The following HNF4A variants were observed in gnomAD, a reference collection of about 807,000 sequenced individuals.
HNF4A encodes hepatocyte nuclear factor 4-alpha.
A neutral mutation model predicts 52.4 loss-of-function variants in HNF4A; 15 were observed. The ratio of observed to expected loss-of-function variants is 0.29; its 90% CI spans 0.19 to 0.44. HNF4A has a LOEUF of 0.44. Ranked by LOEUF, HNF4A falls within the 20% of genes least tolerant of loss-of-function variation. The probability of loss-of-function intolerance (pLI) is 1.00; values close to 1 mark genes in which losing one functional copy is unlikely to be tolerated. For synonymous variants in HNF4A, 280 were observed against 264.4 expected, an observed-to-expected ratio of 1.06 and a Z score of -0.57; for missense variants, 479 against 647.2, an observed-to-expected ratio of 0.74 and a Z score of 2.82.
chr20:44,407,519 C>G (rs2063518591), intron 3 of HNF4A, 44 bp downstream of exon 3: 1 of 1,276,170 alleles, frequency 7.8e-7, no homozygotes, highest in Non-Finnish European at 1.1e-6. Context: ...GCCCCACCTG[C>G]ACCCACAGCT....
upstream of HNF4A, among the ~76,000 whole-genome samples, chr20:44,398,334 C>G (rs1435642106): frequency 6.6e-6 from 1 of 152,210 alleles, no homozygotes; most frequent in East Asian, 1.9e-4. Context: ...TGCAAGGACA[C>G]GTCTCCAGTT....
At chr20:44,396,447 G>T (rs2063353924), upstream of HNF4A, among the ~76,000 whole-genome samples, 1 of 152,084 alleles carries the variant, frequency 6.6e-6, no homozygotes, top group Admixed American at 6.5e-5. Flanking sequence ...ACTGCAGGTT[G>T]CCCAGGGCAA....
chr20:44,380,931 T>C (rs761041734), intron 1 of HNF4A, among the ~76,000 whole-genome samples: 6 of 152,200 alleles, frequency 3.9e-5, no homozygotes, highest in Non-Finnish European at 8.8e-5. Flanking sequence ...TCGTATATGG[T>C]GTAAGGAAAG....
chr20:44,404,771 A>G (rs1329817294), intron 1 of HNF4A, among the ~76,000 whole-genome samples: 1 of 534 alleles, frequency 1.9e-3, no homozygotes, highest in Non-Finnish European at 4.5e-3. Flanking sequence ...ATGTGTGTAT[A>G]TATGTGTGTG....
At chr20:44,390,271 C>A (rs1430533672) in intron 1 of HNF4A, among the ~76,000 whole-genome samples, 2 of 152,128 alleles carry the variant, frequency 1.3e-5, no homozygotes, top group Admixed American at 6.5e-5. Context: ...TGGCTCTGTC[C>A]AGTTGAGCAG....
intron 1 of HNF4A, among the ~76,000 whole-genome samples, chr20:44,404,840 GTGCGTGACTGTGTGGTGTGT>G: frequency 9.5e-3 from 4 of 420 alleles, no homozygotes; most frequent in African/African-American, 0.031. Flanking sequence ...TGGTGTGTGT[GTGCGTGACTGTGTGGTGTGT>G]GTGCGCGTGT....
At chr20:44,423,908 C>T (rs2063781366) in intron 7 of HNF4A, 110 bp from the exon 8 acceptor site, 3 of 992,134 alleles carry the variant, frequency 3.0e-6, no homozygotes, top group Admixed American at 3.9e-5. Context: ...TGTGCCCACA[C>T]TGCTGAAGAC....
intron 1 of HNF4A, among the ~76,000 whole-genome samples, chr20:44,372,572 G>A (rs914337922): frequency 6.6e-6 from 1 of 152,162 alleles, no homozygotes; most frequent in African/African-American, 2.4e-5. Context: ...TAGTCAATTT[G>A]AAAGCTAAAT....
At chr20:44,384,224 T>G (rs947193926) in intron 1 of HNF4A, among the ~76,000 whole-genome samples, 7 of 144,570 alleles carry the variant, frequency 4.8e-5, no homozygotes, top group Non-Finnish European at 9.0e-5. Context: ...GAAAGGCAAA[T>G]AGTATTAAGT....
intron 1 of HNF4A, among the ~76,000 whole-genome samples, chr20:44,378,787 T>TG (rs2063115647): frequency 1.3e-5 from 2 of 151,096 alleles, no homozygotes; most frequent in Non-Finnish European, 3.0e-5. Context: ...GGCGTGGTGG[T>TG]GCGTGCCTGT....
At chr20:44,375,395 A>T (rs753829068) in intron 1 of HNF4A, among the ~76,000 whole-genome samples, 33 of 151,874 alleles carry the variant, frequency 2.2e-4, no homozygotes, top group Middle Eastern at 6.9e-3. Context: ...TGCTGTGTAG[A>T]GGCTCTTTAG....
intron 1 of HNF4A, among the ~76,000 whole-genome samples, chr20:44,362,577 G>A (rs1468704488): frequency 2.6e-5 from 4 of 152,140 alleles, no homozygotes; most frequent in Non-Finnish European, 2.9e-5. Flanking sequence ...TGGGCAAGAT[G>A]TTGGCTATTT....
At chr20:44,395,230 G>T (rs919468549) in intron 1 of HNF4A, among the ~76,000 whole-genome samples, 4 of 152,246 alleles carry the variant, frequency 2.6e-5, no homozygotes, top group Non-Finnish European at 4.4e-5. Context: ...GGGGCCCCAG[G>T]TCTGGGCCCC....
intron 6 of HNF4A, among the ~76,000 whole-genome samples, chr20:44,419,511 A>T (rs1335054415): frequency 6.6e-6 from 1 of 152,172 alleles, no homozygotes. Context: ...AGGTCCTAGA[A>T]AGCCAAGTTC....
chr20:44,412,480 C>T (rs530648889), intron 3 of HNF4A, among the ~76,000 whole-genome samples: 2 of 152,062 alleles, frequency 1.3e-5, no homozygotes, highest in East Asian at 1.9e-4. Context: ...GGTGGGGAGG[C>T]GGGTTTTCGC....
intron 1 of HNF4A, chr20:44,395,825 A>C (rs2063347836): frequency 6.6e-6 from 1 of 152,246 alleles, no homozygotes; most frequent in Admixed American, 6.5e-5. Flanking sequence ...TGTCTTGATA[A>C]GTCCCAGTTT....
At chr20:44,356,777 T>C (rs190166827) in intron 1 of HNF4A, among the ~76,000 whole-genome samples, 11 of 152,320 alleles carry the variant, frequency 7.2e-5, no homozygotes, top group Non-Finnish European at 4.4e-5. Context: ...GAATGTTTTA[T>C]CTTTTGGGGA....
chr20:44,359,106 G>T (rs1008970516), intron 1 of HNF4A, among the ~76,000 whole-genome samples: 5 of 152,144 alleles, frequency 3.3e-5, no homozygotes, highest in Admixed American at 3.3e-4. Context: ...AGCCTTGTTT[G>T]TCTCACTATG....
chr20:44,378,433 G>A (rs2063110709), intron 1 of HNF4A, among the ~76,000 whole-genome samples: 1 of 151,846 alleles, frequency 6.6e-6, no homozygotes, highest in African/African-American at 2.4e-5. Flanking sequence ...GCACCCAGCT[G>A]ATTTTTGTAT....
Sources: gnomAD v4.1 joint callset for allele counts (sites outside exome capture counted in the v4.1 genomes callset) on GRCh38, gnomAD v4.1.1 for gene constraint, MANE v1.5 for transcripts, NCBI Gene and HGNC (gene_info 2026-07-23, HGNC 2026-07-21) for gene names.